Variants in KLC3 observed in about 807,000 individuals in gnomAD.
The protein encoded by KLC3 is kinesin light chain 3.
A neutral mutation model predicts 62.9 loss-of-function variants in KLC3; 72 were observed. The ratio of observed to expected loss-of-function variants is 1.15; its 90% confidence interval spans 0.95 to 1.39. KLC3 has a LOEUF of 1.39. Among genes scored for constraint, KLC3 ranks in the 40% most tolerant of loss-of-function variants. The pLI is 0.00. For synonymous variants in KLC3, 377 were observed against 300.5 expected (o/e 1.25, Z -2.63); for missense variants, 848 against 691.6 (o/e 1.23, Z -2.54).
rs565867458 is a variant in KLC3 at position 45,351,410 on chromosome 19, G to A, written c.*53G>A. 6 of 1,598,336 alleles carry A rather than the reference G, an allele frequency of 3.8e-6. No individual in the cohort carries two copies. The Admixed American group carries it at 6.7e-5, about 18-fold the overall frequency. On this transcript the variant is annotated 3_prime_UTR_variant, in exon 13 of 13. Coordinates refer to ENST00000391946, the MANE Select transcript of KLC3 (RefSeq NM_177417.3). ...TTCTTGGGAACAGTGCAGGAGGGATGGGCTGGTGGGGTGAGAGGGGGTCTA... is the reference window on the plus strand; with the variant it reads ...TTCTTGGGAACAGTGCAGGAGGGATAGGCTGGTGGGGTGAGAGGGGGTCTA...
Position 45,346,626 on chromosome 19 carries a change from A to G in KLC3, c.341A>G (p.Gln114Arg), listed in dbSNP as rs1424563919. The change falls in exon 3 of 13, where the codon CAG becomes CGG. Residue 114 changes from glutamine (Q) to arginine (R), a missense_variant. Coordinates refer to ENST00000391946, the MANE Select transcript of KLC3 (RefSeq NM_177417.3). ...RLRSQARRLA[Q>R]ENVWLREELE... ...CGCTCGCAGGCCCGGCGGCTGGCCC[A>G]GGAGAACGTGTGGCTGCGGGAGGAA... The G allele has an allele frequency of 6.4e-6, 10 of 1,552,584 alleles. No homozygotes were observed. Among genetic ancestry groups the G allele is most frequent in the African/African-American group, 1.4e-5 (1 of 73,102 alleles).
In KLC3 at chr19:45,350,942, C is replaced by T; in HGVS notation, c.1380-12C>T. Reference sequence around the variant, plus strand: ...GGATTCACTCATTTCCTCCCTGCTGCCCTCTTTGCAGAATGAAGAGAGCCA... The same window carrying T: ...GGATTCACTCATTTCCTCCCTGCTGTCCTCTTTGCAGAATGAAGAGAGCCA... On this transcript the variant is annotated splice_polypyrimidine_tract_variant and intron_variant, in intron 11 of 12. Transcript: ENST00000391946. The T allele has an allele frequency of 6.2e-7, 1 of 1,613,610 alleles. No individual in the cohort carries two copies. Among genetic ancestry groups the T allele is most frequent in the Non-Finnish European group, 8.5e-7 (1 of 1,179,592 alleles).
intron 8 of KLC3, 75 bp from the exon 9 acceptor site, chr19:45,350,259 CAAAAAAA>C (rs61513187): frequency 6.2e-5 from 54 of 874,778 alleles, no homozygotes; most frequent in Non-Finnish European, 8.2e-5. Context: ...CCTGTCTCTA[CAAAAAAA>C]AAAAAAAAGG....
intron 4 of KLC3, 100 bp downstream of exon 4, chr19:45,347,616 G>C: frequency 9.0e-7 from 1 of 1,114,596 alleles, no homozygotes; most frequent in East Asian, 2.4e-5. Flanking sequence ...GGGATGGGGA[G>C]GTGAGGGCAG....
intron 5 of KLC3, among the ~76,000 whole-genome samples, 185 bp from the exon 6 acceptor site, chr19:45,348,461 G>A (rs974632938): frequency 2.6e-5 from 4 of 152,098 alleles, no homozygotes; most frequent in African/African-American, 9.7e-5. Context: ...GAGGTCTGGG[G>A]GTACAGGGCC....
At chr19:45,348,227 G>A (rs1971556352) in intron 5 of KLC3, 67 bp downstream of exon 5, 1 of 1,387,714 alleles carries the variant, frequency 7.2e-7, no homozygotes, top group Non-Finnish European at 9.9e-7. Flanking sequence ...CAAGTGGAAG[G>A]ATCCTGGTGC....
rs60340712 is a variant in KLC3 at position 45,344,214 on chromosome 19, CTTTTTTT to C, written c.-8-1308_-8-1302del. 3.3e-5 allele frequency among the ~76,000 whole-genome samples: 4 copies of C among 121,068 alleles called. No homozygotes were observed. In the East Asian group the frequency reaches 7.3e-4, roughly 22 times the overall value. 79.4% of individuals were successfully genotyped at this position (121,068 alleles called of 152,430 possible). ...CTGGGAGGGTGTGTGTGTGTACCGTCTTTTTTTTTTTTTTTTTTAAATGAAGTCTCAC... is the reference window on the plus strand; with the variant it reads ...CTGGGAGGGTGTGTGTGTGTACCGTCTTTTTTTTTTTAAATGAAGTCTCAC... On this transcript the variant is annotated intron_variant, in intron 1 of 12. Coordinates refer to ENST00000391946, the MANE Select transcript of KLC3 (RefSeq NM_177417.3).
intron 1 of KLC3, among the ~76,000 whole-genome samples, chr19:45,342,651 A>G (rs527517756): frequency 6.6e-6 from 1 of 152,150 alleles, no homozygotes; most frequent in South Asian, 2.1e-4. Flanking sequence ...CTGTAATTCC[A>G]GCTACTTGGG....
intron 7 of KLC3, 152 bp from the exon 8 acceptor site, chr19:45,349,277 G>GA: frequency 1.3e-6 from 1 of 754,282 alleles, no homozygotes; most frequent in South Asian, 1.9e-5. Flanking sequence ...AATCCCGTTA[G>GA]ATGGTATAAC....
At position 45,345,851 on chromosome 19, in the gene KLC3, G is replaced by C. The variant is rs1053688453; in HGVS notation, c.258+52G>C. 48 of 1,503,414 alleles carry C rather than the reference G, an allele frequency of 3.2e-5. 1 individual carries two copies. The Admixed American group carries it at 7.7e-4, about 24-fold the overall frequency. The allele number at this position is 1,503,414 out of a possible 1,614,324, so 93.1% of individuals were successfully genotyped here. Reference sequence around the variant, plus strand: ...GGGGAAGGTCAGCTGAGGGCGGAGGGAGGGCCAGGCATGAGGGGGACAGGT... The same window carrying C: ...GGGGAAGGTCAGCTGAGGGCGGAGGCAGGGCCAGGCATGAGGGGGACAGGT... On this transcript the variant is annotated intron_variant, in intron 2 of 12. Coordinates refer to ENST00000391946, the MANE Select transcript of KLC3 (RefSeq NM_177417.3).
chr19:45,342,950 G>A (rs576057793), intron 1 of KLC3, among the ~76,000 whole-genome samples: 1 of 152,304 alleles, frequency 6.6e-6, no homozygotes, highest in African/African-American at 2.4e-5. Context: ...GCTTATGGTG[G>A]ATGCAGTGGC....
intron 1 of KLC3, chr19:45,345,127 C>T (rs1292537801): frequency 3.2e-6 from 1 of 314,408 alleles, no homozygotes; most frequent in Non-Finnish European, 5.9e-6. Flanking sequence ...CCTCTGGTCC[C>T]AGGTCACACG....
At position 45,349,376 on chromosome 19, in the gene KLC3, C is replaced by T. The variant is rs771768205; in HGVS notation, c.970-53C>T. On this transcript the variant is annotated intron_variant, in intron 7 of 12. Transcript: ENST00000391946. Reference sequence around the variant, plus strand: ...TGACCACCATACAGCAGTGATGTCACGTGTCCCACCAATCCTGTATGATCC... The same window carrying T: ...TGACCACCATACAGCAGTGATGTCATGTGTCCCACCAATCCTGTATGATCC... 428 of 1,530,104 alleles carry T rather than the reference C, an allele frequency of 2.8e-4. 1 individual carries two copies. The highest frequency in any genetic ancestry group is 3.6e-4 in the Non-Finnish European group (409 of 1,128,738). The allele number at this position is 1,530,104 out of a possible 1,614,324, so 94.8% of individuals were successfully genotyped here. A position where few individuals can be genotyped will look rare whatever the true frequency, so the allele number is the denominator to read the frequency against.
intron 7 of KLC3, 42 bp from the exon 8 acceptor site, chr19:45,349,387 A>G (rs1244897941): frequency 1.9e-5 from 29 of 1,559,044 alleles, no homozygotes; most frequent in Non-Finnish European, 2.4e-5. Context: ...GTGTCCCACC[A>G]ATCCTGTATG....
In KLC3 at chr19:45,347,870, C is replaced by G. The variant is rs1360400365; in HGVS notation, c.560-71C>G. ...TAGGCAGTCCGGCAGTTCTGAGGCACGTGTCCCCTCATGCGAGGCTGGAGG... is the reference window on the plus strand; with the variant it reads ...TAGGCAGTCCGGCAGTTCTGAGGCAGGTGTCCCCTCATGCGAGGCTGGAGG... On this transcript the variant is annotated intron_variant, in intron 4 of 12. Coordinates refer to ENST00000391946, the MANE Select transcript of KLC3 (RefSeq NM_177417.3). 4.7e-6 allele frequency: 6 copies of G among 1,277,438 alleles called. 1 individual carries two copies. The South Asian group carries it at 8.0e-5, about 17-fold the overall frequency. 79.1% of individuals were successfully genotyped at this position (1,277,438 alleles called of 1,614,324 possible).
At chr19:45,341,015 GC>G (rs1418311176) in intron 1 of KLC3, among the ~76,000 whole-genome samples, 169 bp downstream of exon 1, 2 of 152,106 alleles carry the variant, frequency 1.3e-5, no homozygotes, top group Non-Finnish European at 2.9e-5. Flanking sequence ...GGGGTCCCAT[GC>G]CCCCCACCCC....
intron 1 of KLC3, among the ~76,000 whole-genome samples, chr19:45,341,578 T>TGTGTGTGTGTGTGCGCGCGCGCGC: frequency 1.1e-4 from 15 of 139,794 alleles, no homozygotes; most frequent in Non-Finnish European, 1.9e-4. Flanking sequence ...TGTGTGTGTG[T>TGTGTGTGTGTGTGCGCGCGCGCGC]GCGCGCGCGC....
In KLC3 at chr19:45,345,718, C is replaced by A; in HGVS notation, c.177C>A (p.Ala59=). 1 of 1,563,358 alleles carries A rather than the reference C, an allele frequency of 6.4e-7. No homozygotes were observed. Among genetic ancestry groups the A allele is most frequent in the East Asian group, 2.4e-5 (1 of 42,244 alleles). The change falls in exon 2 of 13, where the codon GCC becomes GCA. Residue 59 remains alanine (A), a synonymous_variant. Transcript: ENST00000391946. ...CCCTGGCGGGACAGGGCCCGGCAGC[C>A]GGCTTGGAGATGCTGGAGGAAAAGC... is the stretch of plus-strand genomic sequence containing the variant. ...AEALAGQGPA[A]GLEMLEEKQQ...
chr19:45,349,880 C>G (rs1971633324), intron 8 of KLC3: 1 of 483,118 alleles, frequency 2.1e-6, no homozygotes, highest in African/African-American at 2.0e-5. Flanking sequence ...GCCGGCTCCC[C>G]TCTTAGCCCG....
Sources: gnomAD v4.1 joint callset for allele counts (sites outside exome capture counted in the v4.1 genomes callset) on GRCh38, gnomAD v4.1.1 for gene constraint, MANE v1.5 for transcripts, NCBI Gene and HGNC (gene_info 2026-07-23, HGNC 2026-07-21) for gene names.